The following ROBO2 variants were observed in gnomAD, a reference collection of about 807,000 sequenced individuals.
The protein encoded by ROBO2 is roundabout homolog 2.
A neutral mutation model predicts 160.8 loss-of-function variants in ROBO2; 53 were observed. That is an observed-to-expected ratio of 0.33 (90% CI 0.26 to 0.41). The LOEUF (loss-of-function observed/expected upper bound fraction) is 0.41, where lower values mean the gene tolerates loss of function less well. Among genes scored for constraint, ROBO2 ranks in the 10% least tolerant of loss-of-function variants. ROBO2 has a pLI of 1.00. For missense variants in ROBO2, 1,577 were observed against 1,722.4 expected, an observed-to-expected ratio of 0.92 and a Z score of 1.49; for synonymous variants, 664 against 611.7, an observed-to-expected ratio of 1.09 and a Z score of -1.26.
At chr3:76,063,708 A>G (rs1250644586) in intron 2 of ROBO2, among the ~76,000 whole-genome samples, 1 of 152,070 alleles carries the variant, frequency 6.6e-6, no homozygotes, top group Non-Finnish European at 1.5e-5. Flanking sequence ...ATATACTGAG[A>G]TATAACTTGA....
intron 2 of ROBO2, among the ~76,000 whole-genome samples, chr3:76,795,245 C>T (rs1250525244): frequency 1.3e-5 from 2 of 152,010 alleles, no homozygotes; most frequent in African/African-American, 4.8e-5. Context: ...GTTAGGGGAG[C>T]TGTGGCAATT....
At chr3:75,918,307 T>A (rs909147700) in intron 1 of ROBO2, among the ~76,000 whole-genome samples, 5 of 152,220 alleles carry the variant, frequency 3.3e-5, no homozygotes, top group African/African-American at 1.2e-4. Context: ...TCCCCATTGC[T>A]TGCTTTTGTC....
intron 2 of ROBO2, among the ~76,000 whole-genome samples, chr3:77,413,706 C>T (rs887033265): frequency 6.6e-6 from 1 of 152,154 alleles, no homozygotes; most frequent in Non-Finnish European, 1.5e-5. Flanking sequence ...AGGATTCCAT[C>T]ACTCTATGTG....
At chr3:77,331,681 G>C (rs1477184914) in intron 2 of ROBO2, among the ~76,000 whole-genome samples, 1 of 141,390 alleles carries the variant, frequency 7.1e-6, no homozygotes, top group South Asian at 2.4e-4. Context: ...AGCTTGAAAG[G>C]CCTATTTATT....
chr3:76,083,180 G>T (rs2068891555), intron 2 of ROBO2, among the ~76,000 whole-genome samples: 1 of 152,086 alleles, frequency 6.6e-6, no homozygotes, highest in Admixed American at 6.6e-5. Context: ...GAATGGAATT[G>T]CAGGCCTGGG....
intron 2 of ROBO2, among the ~76,000 whole-genome samples, chr3:76,754,798 G>T (rs1009359709): frequency 2.6e-5 from 4 of 151,802 alleles, no homozygotes; most frequent in African/African-American, 7.2e-5. Flanking sequence ...TACACATAGG[G>T]ATTTAAGTAT....
chr3:76,696,406 T>G, intron 2 of ROBO2, among the ~76,000 whole-genome samples: 1 of 151,624 alleles, frequency 6.6e-6, no homozygotes, highest in South Asian at 2.1e-4. Context: ...AGTTGCAAGA[T>G]TTAATAGCGT....
chr3:77,637,383 T>A (rs960034785), intron 24 of ROBO2, among the ~76,000 whole-genome samples: 1 of 152,232 alleles, frequency 6.6e-6, no homozygotes. Flanking sequence ...GTAAGAGGAC[T>A]TAAAAAGCCA....
intron 2 of ROBO2, among the ~76,000 whole-genome samples, chr3:77,192,248 A>G (rs377186562): frequency 2.0e-5 from 3 of 152,130 alleles, no homozygotes; most frequent in East Asian, 3.9e-4. Context: ...CCTTATGTGT[A>G]TGTTTTAATA....
intron 2 of ROBO2, among the ~76,000 whole-genome samples, chr3:77,415,577 C>T (rs921724593): frequency 3.3e-5 from 5 of 152,166 alleles, no homozygotes; most frequent in African/African-American, 4.8e-5. Context: ...GCTCTGGGCT[C>T]GCCACTGGGC....
intron 4 of ROBO2, among the ~76,000 whole-genome samples, chr3:77,482,564 A>C (rs2084835936): frequency 6.6e-6 from 1 of 152,174 alleles, no homozygotes; most frequent in Admixed American, 6.6e-5. Flanking sequence ...GCTAGGAGAA[A>C]TCCCATAATT....
At chr3:76,656,619 T>C (rs930704308) in intron 2 of ROBO2, among the ~76,000 whole-genome samples, 4 of 151,270 alleles carry the variant, frequency 2.6e-5, no homozygotes, top group Admixed American at 6.6e-5. Flanking sequence ...TCATTACCTT[T>C]GTTTTGTTTT....
chr3:76,434,923 G>A, intron 2 of ROBO2: 4 of 1,600,002 alleles, frequency 2.5e-6, no homozygotes, highest in South Asian at 1.1e-5. Context: ...CCCCAAACCA[G>A]CCCATCCCCC....
intron 2 of ROBO2, among the ~76,000 whole-genome samples, chr3:76,122,346 A>G (rs1368720151): frequency 6.6e-6 from 1 of 152,190 alleles, no homozygotes; most frequent in African/African-American, 2.4e-5. Context: ...GATTGTGTCT[A>G]GAAAAATATT....
At chr3:77,547,065 T>G (rs1663017875) in intron 7 of ROBO2, among the ~76,000 whole-genome samples, 1 of 152,052 alleles carries the variant, frequency 6.6e-6, no homozygotes, top group South Asian at 2.1e-4. Flanking sequence ...TGTCTTGTCT[T>G]TGTTCTGCCC....
At chr3:77,460,091 T>C (rs1403389855) in intron 2 of ROBO2, among the ~76,000 whole-genome samples, 17 of 152,054 alleles carry the variant, frequency 1.1e-4, no homozygotes, top group Admixed American at 1.1e-3. Context: ...TTGGCTGCTG[T>C]GTACTCTGAG....
At chr3:76,048,097 G>A (rs1191943795) in intron 2 of ROBO2, among the ~76,000 whole-genome samples, 2 of 151,994 alleles carry the variant, frequency 1.3e-5, no homozygotes, top group Non-Finnish European at 1.5e-5. Flanking sequence ...TTTAGTCATC[G>A]TAAAACATTT....
At chr3:76,438,543 C>T (rs1469943325) in intron 2 of ROBO2, among the ~76,000 whole-genome samples, 2 of 151,856 alleles carry the variant, frequency 1.3e-5, no homozygotes, top group East Asian at 3.9e-4. Flanking sequence ...AAGCCATAGA[C>T]TGAGCAAGGT....
chr3:76,850,038 T>G (rs2148527658), intron 2 of ROBO2, among the ~76,000 whole-genome samples: 1 of 152,198 alleles, frequency 6.6e-6, no homozygotes, highest in South Asian at 2.1e-4. Flanking sequence ...AATATAAAAC[T>G]TAGCCAGATG....
Sources: gnomAD v4.1 joint callset for allele counts (sites outside exome capture counted in the v4.1 genomes callset) on GRCh38, gnomAD v4.1.1 for gene constraint, MANE v1.5 for transcripts, NCBI Gene and HGNC (gene_info 2026-07-23, HGNC 2026-07-21) for gene names.